Variants in BMPR1B observed in about 807,000 individuals in gnomAD.
BMPR1B encodes bone morphogenetic protein receptor type-1B.
BMPR1B carries 12 observed loss-of-function variants against 59.1 expected under a neutral mutation model. The observed-to-expected ratio is 0.20, with a 90% CI of 0.13 to 0.33. BMPR1B has a LOEUF of 0.33. BMPR1B is among the 10% of genes least tolerant of loss of function. BMPR1B has a pLI of 1.00. For synonymous variants in BMPR1B, 237 were observed against 207.3 expected (o/e 1.14, Z -1.23); for missense variants, 550 against 610.9 (o/e 0.90, Z 1.05).
intron 3 of BMPR1B, among the ~76,000 whole-genome samples, chr4:95,077,647 T>G (rs1325505223): frequency 6.6e-6 from 1 of 152,184 alleles, no homozygotes; most frequent in Non-Finnish European, 1.5e-5. Flanking sequence ...TAAAAGATGG[T>G]AAATTAGAAT....
intron 2 of BMPR1B, among the ~76,000 whole-genome samples, chr4:94,944,930 T>C (rs766654443): frequency 2.0e-5 from 3 of 152,222 alleles, no homozygotes; most frequent in Non-Finnish European, 4.4e-5. Flanking sequence ...CTGTGCACTT[T>C]TGTGAGCTTT....
At chr4:94,761,097 C>G (rs1008818844) in intron 1 of BMPR1B, among the ~76,000 whole-genome samples, 12 of 152,124 alleles carry the variant, frequency 7.9e-5, no homozygotes, top group African/African-American at 2.4e-4. Context: ...TCACTGGACT[C>G]ATGTTTGACT....
At chr4:94,972,042 G>A (rs528268732) in intron 2 of BMPR1B, among the ~76,000 whole-genome samples, 1 of 151,598 alleles carries the variant, frequency 6.6e-6, no homozygotes, top group South Asian at 2.1e-4. Context: ...GGAAATAGAG[G>A]AACTAATTAT....
intron 3 of BMPR1B, among the ~76,000 whole-genome samples, chr4:95,061,203 ACACACAC>A (rs1441634182): frequency 8.7e-5 from 10 of 115,416 alleles, no homozygotes; most frequent in African/African-American, 3.0e-4. Context: ...ACACACACAC[ACACACAC>A]CACACACCCC....
In BMPR1B at chr4:95,152,757, G is replaced by T. The variant is rs140047318; in HGVS notation, c.1367G>T (p.Arg456Leu). 1.2e-6 allele frequency: 2 copies of T among 1,611,868 alleles called. No homozygotes were observed. The highest frequency in any genetic ancestry group is 1.3e-5 in the African/African-American group (1 of 74,986). ...AAGTTACGCCCCTCATTCCCAAACC[G>T]GTGGAGCAGTGATGAGGTAAGGCTT... The part of the protein sequence containing the change: ...IKKLRPSFPN[R>L]WSSDECLRQM... The change falls in exon 12 of 13, where the codon CGG becomes CTG. Residue 456 changes from arginine (R) to leucine (L), a missense_variant. Physicochemically the swap from Arg to Leu is moderately radical, Grantham distance 102. This residue lies in a region of BMPR1B where 123 missense variants were observed against 164.6 expected (regional missense o/e 0.75). Coordinates refer to ENST00000515059, the MANE Select transcript of BMPR1B (RefSeq NM_001203.3).
intron 2 of BMPR1B, among the ~76,000 whole-genome samples, chr4:94,904,894 A>C (rs961677500): frequency 6.6e-6 from 1 of 152,016 alleles, no homozygotes; most frequent in African/African-American, 2.4e-5. Context: ...GTATACTTTA[A>C]ATGCCACAAG....
At chr4:95,060,220 A>C (rs1024761370) in intron 3 of BMPR1B, among the ~76,000 whole-genome samples, 7 of 152,214 alleles carry the variant, frequency 4.6e-5, no homozygotes, top group African/African-American at 2.4e-5. Context: ...TTAATAAGCT[A>C]TCCCAAGAGA....
chr4:94,892,058 C>T (rs1457610986), intron 2 of BMPR1B, among the ~76,000 whole-genome samples: 1 of 152,074 alleles, frequency 6.6e-6, no homozygotes, highest in African/African-American at 2.4e-5. Flanking sequence ...CAAAAAAACT[C>T]ATGTCTCATT....
intron 3 of BMPR1B, among the ~76,000 whole-genome samples, chr4:95,015,628 C>T (rs1723530976): frequency 6.6e-6 from 1 of 152,076 alleles, no homozygotes; most frequent in Non-Finnish European, 1.5e-5. Flanking sequence ...CTCAGGTGAT[C>T]CTTTCACCTC....
At chr4:94,920,366 T>C (rs969169158) in intron 2 of BMPR1B, among the ~76,000 whole-genome samples, 1 of 152,198 alleles carries the variant, frequency 6.6e-6, no homozygotes, top group East Asian at 1.9e-4. Flanking sequence ...TAATTAATTA[T>C]ATTAATTATA....
At chr4:95,120,835 GTCTC>G (rs1410035815) in intron 6 of BMPR1B, among the ~76,000 whole-genome samples, 1 of 142,680 alleles carries the variant, frequency 7.0e-6, no homozygotes, top group Non-Finnish European at 1.5e-5. Flanking sequence ...TCAAGATGGA[GTCTC>G]TCTCAGTCAC....
In BMPR1B at chr4:94,836,620, G is replaced by T. The variant is rs1471741845; in HGVS notation, c.-182-39211G>T. On this transcript the variant is annotated intron_variant, in intron 1 of 12. Coordinates refer to ENST00000515059, the MANE Select transcript of BMPR1B (RefSeq NM_001203.3). ...TGATGGGATTGTTTGTTTTTTTCTT[G>T]TAAATTTGTTTGAGTTCATTGTAGA... Among the ~76,000 whole-genome samples the T allele has an allele frequency of 6.2e-5, 9 of 145,636 alleles. 1 individual carries two copies. The highest frequency in any genetic ancestry group is 6.1e-4 in the Admixed American group (9 of 14,670).
chr4:95,009,052 GTCTC>G (rs1723044224), intron 3 of BMPR1B, among the ~76,000 whole-genome samples: 1 of 151,658 alleles, frequency 6.6e-6, no homozygotes, highest in African/African-American at 2.4e-5. Context: ...GAGACTCTCT[GTCTC>G]TCTTAGAAAA....
intron 1 of BMPR1B, among the ~76,000 whole-genome samples, chr4:94,841,428 GGA>G (rs2148935493): frequency 1.3e-5 from 2 of 152,158 alleles, no homozygotes; most frequent in African/African-American, 4.8e-5. Context: ...CATGGGCGTA[GGA>G]CCCTCCGAGC....
In BMPR1B at chr4:95,077,227, G is replaced by A. The variant is rs140312681; in HGVS notation, c.-17-27181G>A. 3.3e-3 allele frequency among the ~76,000 whole-genome samples: 509 copies of A among 152,160 alleles called. 2 individuals are homozygous for A. The highest frequency in any genetic ancestry group is 0.011 in the African/African-American group (458 of 41,546). On this transcript the variant is annotated intron_variant, in intron 3 of 12. Transcript: ENST00000515059. ...AAGAGAAATCAAATGTACATACACC[G>A]GCTGATGGTGATGTAGTATTATTAC...
chr4:95,142,557 G>GT (rs369188608), intron 10 of BMPR1B, among the ~76,000 whole-genome samples: 88 of 151,720 alleles, frequency 5.8e-4, no homozygotes, highest in Middle Eastern at 3.4e-3. Context: ...TGTCTATTAC[G>GT]TTTTTTTACC....
chr4:94,761,897 G>A lies in BMPR1B; in HGVS notation c.-183+3829G>A, dbSNP rs180903849. On this transcript the variant is annotated intron_variant, in intron 1 of 12. Coordinates refer to ENST00000515059, the MANE Select transcript of BMPR1B (RefSeq NM_001203.3). ...GGCAGGCCAGAATTCAGGGAAAGGA[G>A]GGGTTGCGGCTAGAAAGGTAGATTA... is the stretch of plus-strand genomic sequence containing the variant. Among the ~76,000 whole-genome samples, 5 of 152,262 alleles carry A rather than the reference G, an allele frequency of 3.3e-5. No homozygotes were observed. In the East Asian group the frequency reaches 7.7e-4, roughly 24 times the overall value.
intron 3 of BMPR1B, among the ~76,000 whole-genome samples, chr4:95,084,281 C>T (rs1288602316): frequency 2.0e-5 from 3 of 151,146 alleles, no homozygotes; most frequent in Non-Finnish European, 4.4e-5. Context: ...TGTGTATGTA[C>T]ATGATCTATA....
intron 3 of BMPR1B, among the ~76,000 whole-genome samples, chr4:95,042,234 G>A (rs764460142): frequency 4.6e-5 from 7 of 152,100 alleles, no homozygotes; most frequent in African/African-American, 9.7e-5. Context: ...TGTATTAACG[G>A]TATGTCATAA....
Sources: gnomAD v4.1 joint callset for allele counts (sites outside exome capture counted in the v4.1 genomes callset) on GRCh38, gnomAD v4.1.1 for gene constraint, gnomAD v4.1.1 regional missense constraint, MANE v1.5 for transcripts, NCBI Gene and HGNC (gene_info 2026-07-23, HGNC 2026-07-21) for gene names.